The following NAALADL2 variants were observed in gnomAD, a reference collection of about 807,000 sequenced individuals.
The protein encoded by NAALADL2 is inactive N-acetylated-alpha-linked acidic dipeptidase-like protein 2.
In NAALADL2, 76 loss-of-function variants were observed where a neutral mutation model predicts 87.2. That is an observed-to-expected ratio of 0.87 (90% CI 0.72 to 1.05). The LOEUF (loss-of-function observed/expected upper bound fraction) is 1.05, where lower values mean the gene tolerates loss of function less well. Ranked by LOEUF, NAALADL2 falls within the 50% of genes least tolerant of loss-of-function variation. The pLI is 0.00. For missense variants in NAALADL2, 1,089 were observed against 945.8 expected (o/e 1.15, Z -1.99); for synonymous variants, 354 against 331.0 (o/e 1.07, Z -0.75).
intron 9 of NAALADL2, among the ~76,000 whole-genome samples, chr3:175,565,836 T>A (rs1717052954): frequency 7.5e-6 from 1 of 134,214 alleles, no homozygotes; most frequent in Non-Finnish European, 1.6e-5. Context: ...CCCCTTTTTT[T>A]TTTTTTTTTT....
At chr3:175,777,407 G>C (rs985594887) in intron 13 of NAALADL2, among the ~76,000 whole-genome samples, 2 of 151,872 alleles carry the variant, frequency 1.3e-5, no homozygotes, top group African/African-American at 4.8e-5. Context: ...GTTATTTTGA[G>C]GATTATATGC....
At chr3:175,193,332 A>T (rs552209908) in intron 2 of NAALADL2, among the ~76,000 whole-genome samples, 1 of 151,990 alleles carries the variant, frequency 6.6e-6, no homozygotes, top group Non-Finnish European at 1.5e-5. Context: ...ATATGAAAGT[A>T]TTAATTTTAG....
intron 5 of NAALADL2, among the ~76,000 whole-genome samples, chr3:175,378,141 C>G (rs1767378103): frequency 6.6e-6 from 1 of 150,498 alleles, no homozygotes; most frequent in Admixed American, 6.6e-5. Flanking sequence ...ACCCCCAAGT[C>G]CAGACACTGC....
chr3:174,908,280 C>A (rs1043101114), intron 1 of NAALADL2, among the ~76,000 whole-genome samples: 1 of 152,054 alleles, frequency 6.6e-6, no homozygotes, highest in African/African-American at 2.4e-5. Context: ...CATGTCTTCA[C>A]ACCCCCAGGC....
intron 5 of NAALADL2, among the ~76,000 whole-genome samples, chr3:175,339,505 T>G (rs570713836): frequency 2.6e-5 from 4 of 152,316 alleles, no homozygotes; most frequent in Non-Finnish European, 4.4e-5. Flanking sequence ...ATGAAATACC[T>G]GAGTTCATGA....
intron 3 of NAALADL2, among the ~76,000 whole-genome samples, chr3:174,834,464 A>C (rs1332071131): frequency 1.3e-5 from 2 of 151,844 alleles, no homozygotes; most frequent in Non-Finnish European, 2.9e-5. Context: ...GTAATAAAGG[A>C]AGAAAAATGA....
chr3:175,350,468 A>G (rs969356232), intron 5 of NAALADL2, among the ~76,000 whole-genome samples: 2 of 152,164 alleles, frequency 1.3e-5, no homozygotes, highest in African/African-American at 2.4e-5. Context: ...TGAAACTCTG[A>G]TGGGCAAACA....
chr3:174,598,997 C>T (rs1718190158), intron 2 of NAALADL2, among the ~76,000 whole-genome samples: 1 of 152,094 alleles, frequency 6.6e-6, no homozygotes, highest in African/African-American at 2.4e-5. Context: ...TTTAATGGTG[C>T]CTTTTCTAGT....
chr3:174,923,074 G>T (rs1735470393), intron 1 of NAALADL2, among the ~76,000 whole-genome samples: 2 of 152,138 alleles, frequency 1.3e-5, no homozygotes, highest in Non-Finnish European at 2.9e-5. Context: ...AGGACTCCTT[G>T]GGAAAGTGGT....
At position 174,532,481 on chromosome 3, in the gene NAALADL2, C is replaced by T. The variant is rs180689378; in HGVS notation, c.-183-18088C>T. ...AATTTAGGAGTAAGAGGGACAAAGG[C>T]CCTTTTAGGAGGAACTGTCCTACTG... On this transcript the variant is annotated intron_variant, in intron 1 of 3. Transcript: ENST00000434257. 7.2e-5 allele frequency among the ~76,000 whole-genome samples: 11 copies of T among 152,104 alleles called. No individual in the cohort carries two copies. The East Asian group carries it at 2.1e-3, about 29-fold the overall frequency.
At chr3:175,195,168 T>G (rs1353144689) in intron 2 of NAALADL2, among the ~76,000 whole-genome samples, 6 of 151,764 alleles carry the variant, frequency 4.0e-5, no homozygotes, top group Admixed American at 6.6e-5. Context: ...CAAGAGACTC[T>G]AATAATGTCT....
At chr3:175,337,998 GTTC>G (rs1161608610) in intron 5 of NAALADL2, among the ~76,000 whole-genome samples, 8 of 152,108 alleles carry the variant, frequency 5.3e-5, no homozygotes, top group African/African-American at 1.2e-4. Flanking sequence ...ATTCAGTTCT[GTTC>G]TTCTCCTTCA....
chr3:174,949,465 T>C (rs1739997701), intron 1 of NAALADL2, among the ~76,000 whole-genome samples: 2 of 152,188 alleles, frequency 1.3e-5, no homozygotes, highest in African/African-American at 4.8e-5. Context: ...ATGGGGGATA[T>C]TGTTGCAGCC....
chr3:174,761,533 T>C (rs2109072922), intron 3 of NAALADL2, among the ~76,000 whole-genome samples: 1 of 152,328 alleles, frequency 6.6e-6, no homozygotes, highest in Middle Eastern at 3.4e-3. Context: ...TAAATGGTCA[T>C]ATGTATTATG....
Position 175,447,296 on chromosome 3 carries a change from C to T in NAALADL2, c.1158C>T (p.Leu386=), listed in dbSNP as rs868560065. 8.1e-6 allele frequency: 13 copies of T among 1,605,468 alleles called. No individual in the cohort carries two copies. Among genetic ancestry groups the T allele is most frequent in the Non-Finnish European group, 1.0e-5 (12 of 1,174,768 alleles). ...SLLVQPISAP[L]VAKLISSPKA... is the part of the protein sequence containing the mutation. ...TAGTGCAGCCCATCTCTGCACCCCT[C>T]GTTGCAAAACTGATCTCTTCGCCAA... The change falls in exon 6 of 14, where the codon CTC becomes CTT. Residue 386 remains leucine (L), a synonymous_variant. Coordinates refer to ENST00000454872, the MANE Select transcript of NAALADL2 (RefSeq NM_207015.3).
In NAALADL2 at chr3:175,226,777, G is replaced by C. The variant is rs576823354; in HGVS notation, c.546-7154G>C. Reference sequence around the variant, plus strand: ...ATTAGTGGCTCTGTTGCAAGGGAAGGCTACGGGATGCTGCCTTTCCCTCTC... The same window carrying C: ...ATTAGTGGCTCTGTTGCAAGGGAAGCCTACGGGATGCTGCCTTTCCCTCTC... On this transcript the variant is annotated intron_variant, in intron 2 of 13. Transcript: ENST00000454872. Among the ~76,000 whole-genome samples, 8 of 152,186 alleles carry C rather than the reference G, an allele frequency of 5.3e-5. No individual in the cohort carries two copies. The South Asian group carries it at 1.5e-3, about 28-fold the overall frequency.
rs1765130947 is a variant in NAALADL2 at position 175,362,429 on chromosome 3, G to T, written c.1090+38104G>T. On this transcript the variant is annotated intron_variant, in intron 5 of 13. Coordinates refer to ENST00000454872, the MANE Select transcript of NAALADL2 (RefSeq NM_207015.3). ...AAGTCATTGGTAGCTTGGTGGGGAT[G>T]GCATTGAATCTATAAATTACCTTGG... Among the ~76,000 whole-genome samples, 2 of 147,918 alleles carry T rather than the reference G, an allele frequency of 1.4e-5. 1 individual carries two copies. The highest frequency in any genetic ancestry group is 1.4e-4 in the Admixed American group (2 of 14,484).
intron 2 of NAALADL2, among the ~76,000 whole-genome samples, chr3:174,640,173 C>T (rs1723027469): frequency 6.6e-6 from 1 of 152,222 alleles, no homozygotes; most frequent in Non-Finnish European, 1.5e-5. Context: ...CCATCAGAAT[C>T]ACCTGAGCTG....
intron 5 of NAALADL2, among the ~76,000 whole-genome samples, chr3:175,419,718 T>C (rs1024915863): frequency 2.0e-5 from 3 of 151,970 alleles, no homozygotes; most frequent in Non-Finnish European, 4.4e-5. Context: ...TAGATATAAG[T>C]ATTTAAGAAA....
Sources: gnomAD v4.1 joint callset for allele counts (sites outside exome capture counted in the v4.1 genomes callset) on GRCh38, gnomAD v4.1.1 for gene constraint, MANE v1.5 for transcripts, NCBI Gene and HGNC (gene_info 2026-07-23, HGNC 2026-07-21) for gene names.